The following EDN3 variants were observed in gnomAD, a reference collection of about 807,000 sequenced individuals.
The protein encoded by EDN3 is endothelin-3.
EDN3 carries 9 observed loss-of-function variants against 21.4 expected under a neutral mutation model. That is an observed-to-expected ratio of 0.42 (90% confidence interval 0.25 to 0.73). The LOEUF is 0.73. EDN3 is among the 30% of genes least tolerant of loss of function. The pLI, the probability that EDN3 is intolerant of heterozygous loss-of-function variation, is 0.26. For missense variants in EDN3, 327 were observed against 309.4 expected (o/e 1.06, Z -0.43); for synonymous variants, 133 against 126.2 (o/e 1.05, Z -0.36).
intron 2 of EDN3, among the ~76,000 whole-genome samples, chr20:59,317,707 A>C (rs182662160): frequency 6.6e-6 from 1 of 152,192 alleles, no homozygotes; most frequent in African/African-American, 2.4e-5. Context: ...GATACCACGT[A>C]TATAGTGGAT....
rs557939788 is a variant in EDN3, at chr20:59,322,265, G to A, written c.543-107G>A. 9 of 1,222,782 alleles carry A rather than the reference G, an allele frequency of 7.4e-6. No homozygotes were observed. The highest frequency in any genetic ancestry group is 3.5e-5 in the Admixed American group (2 of 56,560). 75.7% of individuals were successfully genotyped at this position (1,222,782 alleles called of 1,614,324 possible). A position where few individuals can be genotyped will look rare whatever the true frequency, so the allele number is the denominator to read the frequency against. On this transcript the variant is annotated intron_variant, in intron 3 of 4. Coordinates refer to ENST00000337938, the MANE Select transcript of EDN3 (RefSeq NM_207034.3). The surrounding 1 kb of genome is among the most constrained non-coding windows in gnomAD (Gnocchi z 4.1). ...GCCTGAGACGCAGTCCTTGGGGAACGCACTAATGTGCTCATTGGTGGGGAA... is the reference window on the plus strand; with the variant it reads ...GCCTGAGACGCAGTCCTTGGGGAACACACTAATGTGCTCATTGGTGGGGAA...
At position 59,301,681 on chromosome 20, in the gene EDN3, C is replaced by A; in HGVS notation, c.324C>A (p.Val108=). Reference sequence around the variant, plus strand: ...TCACCTACAAGGACAAGGAGTGTGTCTACTATTGCCACCTGGACATCATTT... The same window carrying A: ...TCACCTACAAGGACAAGGAGTGTGTATACTATTGCCACCTGGACATCATTT... ...TCFTYKDKEC[V]YYCHLDIIWI... The change falls in exon 2 of 5, where the codon GTC becomes GTA. Residue 108 remains valine (V), a synonymous_variant. Coordinates refer to ENST00000337938, the MANE Select transcript of EDN3 (RefSeq NM_207034.3). 3 of 1,614,206 alleles carry A rather than the reference C, an allele frequency of 1.9e-6. No individual in the cohort carries two copies. The highest frequency in any genetic ancestry group is 2.5e-6 in the Non-Finnish European group (3 of 1,180,024).
intron 3 of EDN3, among the ~76,000 whole-genome samples, chr20:59,321,403 C>T (rs1426808285): frequency 2.6e-5 from 4 of 152,206 alleles, no homozygotes; most frequent in Non-Finnish European, 4.4e-5. Flanking sequence ...TCCCCACCCC[C>T]TTGCTGCCTT....
chr20:59,321,043 A>G lies in EDN3; in HGVS notation c.392A>G (p.Asn131Ser). The G allele has an allele frequency of 6.2e-7, 1 of 1,614,218 alleles. No homozygotes were observed. Among genetic ancestry groups the G allele is most frequent in the Non-Finnish European group, 8.5e-7 (1 of 1,180,044 alleles). The change falls in exon 3 of 5, where the codon AAC becomes AGC. Residue 131 changes from asparagine to serine, a missense_variant. Asn to Ser is a conservative substitution (Grantham distance 46). Coordinates refer to ENST00000337938, the MANE Select transcript of EDN3 (RefSeq NM_207034.3). ...PEQTVPYGLSNYRGSFRGKRS... is the reference protein window; with the variant it reads ...PEQTVPYGLSSYRGSFRGKRS... Reference sequence around the variant, plus strand: ...CAGACGGTGCCCTATGGACTGTCCAACTACAGAGGAAGCTTCCGGGGCAAG... The same window carrying G: ...CAGACGGTGCCCTATGGACTGTCCAGCTACAGAGGAAGCTTCCGGGGCAAG...
intron 2 of EDN3, among the ~76,000 whole-genome samples, chr20:59,308,163 A>G (rs754456755): frequency 5.3e-5 from 8 of 152,120 alleles, no homozygotes; most frequent in Non-Finnish European, 7.4e-5. Flanking sequence ...CTCCAAGCAA[A>G]CCAGAAGGTT....
At position 59,301,549 on chromosome 20, in the gene EDN3, G is replaced by T. The variant is rs777233311; in HGVS notation, c.192G>T (p.Gly64=). The T allele has an allele frequency of 1.9e-6, 3 of 1,613,576 alleles. No homozygotes were observed. Among genetic ancestry groups the T allele is most frequent in the Non-Finnish European group, 2.5e-6 (3 of 1,179,924 alleles). Residue 64 remains glycine, a synonymous_variant, in exon 2 of 5, where the codon GGG becomes GGT. Transcript: ENST00000337938. ...GEETVAGPGE[G]TVAPTALQGP... ...AGACTGTGGCTGGCCCTGGCGAGGG[G>T]ACTGTGGCCCCGACAGCACTGCAGG...
At chr20:59,304,443 G>A (rs1377912384) in intron 2 of EDN3, among the ~76,000 whole-genome samples, 1 of 152,150 alleles carries the variant, frequency 6.6e-6, no homozygotes, top group Non-Finnish European at 1.5e-5. Flanking sequence ...ATTTCTCCCT[G>A]TCCCAGCGGC....
In EDN3 at chr20:59,324,356, AG is replaced by A; in HGVS notation, c.615del (p.Lys205AsnfsTer4). 1.2e-6 allele frequency: 2 copies of A among 1,614,144 alleles called. No homozygotes were observed. Among genetic ancestry groups the A allele is most frequent in the Non-Finnish European group, 1.7e-6 (2 of 1,180,014 alleles). ...GTTGAAGTCAAGGACCAACAAAGCA[AG>A]CAGGCTTTAGACCTCCACCATCCAA... ...GKVEVKDQQS[K>X]QALDLHHPKL... On this transcript the variant is annotated frameshift_variant, in exon 5 of 5. Coordinates refer to ENST00000337938, the MANE Select transcript of EDN3 (RefSeq NM_207034.3). LOFTEE classifies it low-confidence loss of function (END_TRUNC).
intron 1 of EDN3, 101 bp from the exon 2 acceptor site, chr20:59,301,309 A>G (rs1365180524): frequency 8.0e-6 from 11 of 1,380,860 alleles, no homozygotes; most frequent in Non-Finnish European, 1.0e-5. Context: ...AACTTTGCAG[A>G]CATTTTGCTT....
chr20:59,324,083 GC>G (rs1206304910), intron 4 of EDN3, among the ~76,000 whole-genome samples: 4 of 152,242 alleles, frequency 2.6e-5, no homozygotes, highest in Non-Finnish European at 4.4e-5. Context: ...CAAAGATGGG[GC>G]CAGGCTGCGG....
Position 59,325,827 on chromosome 20 carries a change from A to G in EDN3, c.*1368A>G, listed in dbSNP as rs1990807558. ...GATAGGTAGGTAGATTTTAAATTGC[A>G]TTCTGAATACAAACTCATACTCCTT... On this transcript the variant is annotated 3_prime_UTR_variant, in exon 5 of 5. Coordinates refer to ENST00000337938, the MANE Select transcript of EDN3 (RefSeq NM_207034.3). 1 of 152,228 alleles carries G rather than the reference A, an allele frequency of 6.6e-6. No homozygotes were observed. The highest frequency in any genetic ancestry group is 1.5e-5 in the Non-Finnish European group (1 of 68,046). The allele number at this position is 152,228 out of a possible 1,614,324, so 9.4% of individuals were successfully genotyped here. A position where few individuals can be genotyped will look rare whatever the true frequency, so the allele number is the denominator to read the frequency against.
In EDN3 at chr20:59,324,601, C is replaced by CG. The variant is rs1431396628; in HGVS notation, c.*142_*143insG. The CG allele has an allele frequency of 4.6e-6, 5 of 1,097,850 alleles. No homozygotes were observed. Among genetic ancestry groups the CG allele is most frequent in the Non-Finnish European group, 6.6e-6 (5 of 756,692 alleles). 68.0% of individuals were successfully genotyped at this position (1,097,850 alleles called of 1,614,324 possible). A position where few individuals can be genotyped will look rare whatever the true frequency, so the allele number is the denominator to read the frequency against. On this transcript the variant is annotated 3_prime_UTR_variant, in exon 5 of 5. Transcript: ENST00000337938. ...CAAAGAGTCCCCACTTAACAATACCCCCCCCCCACGGCAAGAATGCCCAAA... is the reference window on the plus strand; with the variant it reads ...CAAAGAGTCCCCACTTAACAATACCCGCCCCCCCACGGCAAGAATGCCCAAA...
chr20:59,314,884 A>G (rs197179), intron 2 of EDN3, among the ~76,000 whole-genome samples: 21,546 of 152,106 alleles, frequency 0.14, 4,327 homozygotes, highest in African/African-American at 0.45. Context: ...TGTGCGTAGC[A>G]GTGTCTGCTG....
At position 59,322,284 on chromosome 20, in the gene EDN3, T is replaced by C. The variant is rs997005247; in HGVS notation, c.543-88T>C. On this transcript the variant is annotated intron_variant, in intron 3 of 4. Transcript: ENST00000337938. The surrounding 1 kb of genome is among the most constrained non-coding windows in gnomAD (Gnocchi z 4.1). ...GGGAACGCACTAATGTGCTCATTGG[T>C]GGGGAAGAGGAAGTCATAATTTGAC... 12 of 1,453,682 alleles carry C rather than the reference T, an allele frequency of 8.3e-6. No individual in the cohort carries two copies. The African/African-American group carries it at 1.4e-4, about 17-fold the overall frequency. The allele number at this position is 1,453,682 out of a possible 1,614,324, so 90.0% of individuals were successfully genotyped here.
At chr20:59,315,114 C>T (rs1009956149) in intron 2 of EDN3, among the ~76,000 whole-genome samples, 3 of 152,228 alleles carry the variant, frequency 2.0e-5, no homozygotes, top group Admixed American at 1.3e-4. Context: ...TTCCTCCCTG[C>T]CCAGGCAGAC....
Position 59,301,597 on chromosome 20 carries a change from G to A in EDN3, c.240G>A (p.Gly80=). 5 of 1,614,028 alleles carry A rather than the reference G, an allele frequency of 3.1e-6. No homozygotes were observed. Among genetic ancestry groups the A allele is most frequent in the Non-Finnish European group, 4.2e-6 (5 of 1,179,972 alleles). Residue 80 remains glycine (G), a synonymous_variant, in exon 2 of 5, where the codon GGG becomes GGA. Coordinates refer to ENST00000337938, the MANE Select transcript of EDN3 (RefSeq NM_207034.3). The stretch of plus-strand genomic sequence containing the variant: ...AGGGTCCAAGCCCTGGAAGCCCTGG[G>A]CAGGAGCAGGCGGCCGAGGGGGCCC... ...ALQGPSPGSP[G]QEQAAEGAPE...
chr20:59,315,438 C>A (rs1440960071), intron 2 of EDN3, among the ~76,000 whole-genome samples: 2 of 152,220 alleles, frequency 1.3e-5, no homozygotes, highest in African/African-American at 4.8e-5. Context: ...AAAATGTGAA[C>A]CGAGGAAGCA....
chr20:59,320,875 C>A, intron 2 of EDN3, 142 bp from the exon 3 acceptor site: 2 of 842,636 alleles, frequency 2.4e-6, no homozygotes, highest in Non-Finnish European at 1.9e-6. Context: ...CTTCCTAAGA[C>A]CCAGAGCTGT....
At chr20:59,320,104 C>T (rs1427407883) in intron 2 of EDN3, among the ~76,000 whole-genome samples, 2 of 152,236 alleles carry the variant, frequency 1.3e-5, no homozygotes, top group East Asian at 3.9e-4. Flanking sequence ...CATCACACTC[C>T]TCCTGCCAAC....
Sources: allele counts gnomAD v4.1 joint callset (sites outside exome capture counted in the v4.1 genomes callset), GRCh38; gene constraint gnomAD v4.1.1; non-coding constraint Gnocchi (gnomAD v3.1); transcripts MANE v1.5; gene names NCBI Gene and HGNC (gene_info 2026-07-23, HGNC 2026-07-21).